Variants in MAML1 observed in about 807,000 individuals in gnomAD.
MAML1 encodes mastermind like transcriptional coactivator 1.
Under a neutral mutation model 77.1 loss-of-function variants are expected in MAML1, and 14 were observed. The observed-to-expected ratio is 0.18, with a 90% confidence interval of 0.12 to 0.28. The LOEUF (loss-of-function observed/expected upper bound fraction) is 0.28. Among genes scored for constraint, MAML1 ranks in the 10% least tolerant of loss-of-function variants. The probability of loss-of-function intolerance (pLI) is 1.00; values close to 1 mark genes in which losing one functional copy is unlikely to be tolerated. For synonymous variants in MAML1, 516 were observed against 551.9 expected, an observed-to-expected ratio of 0.93 and a Z score of 0.91; for missense variants, 1,217 against 1,327.8, an observed-to-expected ratio of 0.92 and a Z score of 1.30.
intron 1 of MAML1, among the ~76,000 whole-genome samples, chr5:179,743,301 C>G (rs1284841516): frequency 6.6e-6 from 1 of 151,434 alleles, no homozygotes; most frequent in African/African-American, 2.4e-5. Context: ...ATCCGCCTGC[C>G]TCCGCCTCCC....
intron 1 of MAML1, among the ~76,000 whole-genome samples, chr5:179,747,609 G>T (rs1047973631): frequency 1.2e-4 from 18 of 152,090 alleles, no homozygotes; most frequent in Non-Finnish European, 2.9e-5. Context: ...AGGAGATCGA[G>T]ACCATCTTGG....
intron 1 of MAML1, among the ~76,000 whole-genome samples, chr5:179,744,648 C>T (rs577827405): frequency 6.6e-6 from 1 of 151,568 alleles, no homozygotes; most frequent in Non-Finnish European, 1.5e-5. Flanking sequence ...GCAGTTCTGC[C>T]TCAGCCTCCC....
At chr5:179,740,709 A>G (rs569361243) in intron 1 of MAML1, among the ~76,000 whole-genome samples, 1 of 152,136 alleles carries the variant, frequency 6.6e-6, no homozygotes, top group South Asian at 2.1e-4. Flanking sequence ...AGCAGTGGAG[A>G]TGGAGAAGAG....
At chr5:179,757,206 T>TGGTGAATGAGTA (rs1203066351) in intron 1 of MAML1, among the ~76,000 whole-genome samples, 2 of 152,136 alleles carry the variant, frequency 1.3e-5, no homozygotes, top group Non-Finnish European at 2.9e-5. Context: ...AGGAGGACTT[T>TGGTGAATGAGTA]GGTGAATGAG....
intron 1 of MAML1, among the ~76,000 whole-genome samples, chr5:179,757,114 C>T (rs769428672): frequency 1.3e-5 from 2 of 152,062 alleles, no homozygotes; most frequent in Admixed American, 6.6e-5. Flanking sequence ...CCACTGTGCC[C>T]GGCTGTGAGT....
chr5:179,770,673 T>C (rs1167479703), intron 3 of MAML1, among the ~76,000 whole-genome samples: 4 of 152,168 alleles, frequency 2.6e-5, no homozygotes, highest in African/African-American at 7.2e-5. Flanking sequence ...TAGACATCTG[T>C]TTTCATTTTT....
intron 1 of MAML1, among the ~76,000 whole-genome samples, chr5:179,760,974 A>G (rs1779715133): frequency 6.6e-6 from 1 of 152,154 alleles, no homozygotes; most frequent in East Asian, 1.9e-4. Context: ...AGGCGCCTGT[A>G]GTCCAGCTAC....
chr5:179,765,906 A>G lies in MAML1; in HGVS notation c.896A>G (p.Lys299Arg). The change falls in exon 2 of 5, where the codon AAG becomes AGG. Residue 299 changes from lysine (K) to arginine (R), a missense_variant. By Grantham distance (26) the Lys-to-Arg change is conservative (BLOSUM62 2). This residue lies in a region of MAML1 where 884 missense variants were observed against 949.3 expected (regional missense o/e 0.93). Transcript: ENST00000292599. ...CCCTTGGCACAGGACATTAATATTA[A>G]GACGGAATTCTCTCCAGCAGCCTTT... ...QTPLAQDINI[K>R]TEFSPAAFEQ... 2 of 1,614,130 alleles carry G rather than the reference A, an allele frequency of 1.2e-6. No individual in the cohort carries two copies. Among genetic ancestry groups the G allele is most frequent in the Non-Finnish European group, 1.7e-6 (2 of 1,180,026 alleles).
chr5:179,767,985 A>C (rs1178202256), intron 2 of MAML1, among the ~76,000 whole-genome samples: 1 of 152,266 alleles, frequency 6.6e-6, no homozygotes, highest in Non-Finnish European at 1.5e-5. Context: ...TATCTGTTAA[A>C]GTTCTCATTG....
chr5:179,768,742 GGAAGCA>G, intron 2 of MAML1, 102 bp from the exon 3 acceptor site: 1 of 1,384,972 alleles, frequency 7.2e-7, no homozygotes, highest in Non-Finnish European at 9.9e-7. Flanking sequence ...AGGTCAGAAG[GGAAGCA>G]GAGACTTGGC....
At chr5:179,739,041 C>T (rs952044798) in intron 1 of MAML1, among the ~76,000 whole-genome samples, 2 of 152,156 alleles carry the variant, frequency 1.3e-5, no homozygotes, top group Non-Finnish European at 2.9e-5. Flanking sequence ...CTTTTTTTCT[C>T]AGTCTCCTTA....
At chr5:179,751,447 A>T (rs1388987034) in intron 1 of MAML1, among the ~76,000 whole-genome samples, 32 of 152,232 alleles carry the variant, frequency 2.1e-4, no homozygotes, top group Non-Finnish European at 1.9e-4. Flanking sequence ...AGTGGCTGTC[A>T]CCTGTAATCC....
chr5:179,745,881 AAAATT>A, intron 1 of MAML1, among the ~76,000 whole-genome samples: 1 of 148,318 alleles, frequency 6.7e-6, no homozygotes, highest in Non-Finnish European at 1.5e-5. Context: ...AAAAAAAAAA[AAAATT>A]AGCCGGGCGT....
rs774822264 is a variant in MAML1, at chr5:179,766,777, C to T, written c.1731+36C>T. ...GCCTTTGCTTTCTGTTCCTCTGCTG[C>T]AGACACTTCAGTGAGGTTACTCACT... On this transcript the variant is annotated intron_variant, in intron 2 of 4. Transcript: ENST00000292599. The surrounding 1 kb of genome is among the most constrained non-coding windows in gnomAD (Gnocchi z 4.0). The T allele has an allele frequency of 6.1e-6, 9 of 1,476,378 alleles. No individual in the cohort carries two copies. Among genetic ancestry groups the T allele is most frequent in the Non-Finnish European group, 1.8e-6 (2 of 1,101,158 alleles). The allele number at this position is 1,476,378 out of a possible 1,614,324, so 91.5% of individuals were successfully genotyped here. A position where few individuals can be genotyped will look rare whatever the true frequency, so the allele number is the denominator to read the frequency against.
chr5:179,753,970 C>A (rs1779562327), intron 1 of MAML1, among the ~76,000 whole-genome samples: 1 of 151,642 alleles, frequency 6.6e-6, no homozygotes, highest in African/African-American at 2.4e-5. Flanking sequence ...CCTTGCCTGG[C>A]CTTGTTTGGA....
intron 1 of MAML1, among the ~76,000 whole-genome samples, chr5:179,747,115 C>T (rs566773484): frequency 2.6e-5 from 4 of 152,296 alleles, no homozygotes; most frequent in African/African-American, 7.2e-5. Flanking sequence ...GGCTTAGCTC[C>T]CTAGTAGCTG....
intron 1 of MAML1, among the ~76,000 whole-genome samples, chr5:179,756,665 G>T (rs372814351): frequency 6.6e-6 from 1 of 151,988 alleles, no homozygotes; most frequent in East Asian, 1.9e-4. Context: ...GTTTTATAGC[G>T]GTCACACGGA....
Position 179,766,519 on chromosome 5 carries a change from G to A in MAML1, c.1509G>A (p.Ala503=), listed in dbSNP as rs776692169. The change falls in exon 2 of 5, where the codon GCG becomes GCA. Residue 503 remains alanine, a synonymous_variant. Transcript: ENST00000292599. This position sits in a 1 kb window ranked among gnomAD's most constrained non-coding sequence, Gnocchi z 4.0. The part of the protein sequence containing the change: ...QPPSNLNQNS[A]NNQGSVLDYG... ...CGAGTAACTTGAATCAGAACTCCGC[G>A]AATAACCAGGGGTCTGTGCTGGACT... 4.1e-5 allele frequency: 65 copies of A among 1,602,654 alleles called. 1 individual carries two copies. In the South Asian group the frequency reaches 6.8e-4, roughly 17 times the overall value.
At chr5:179,747,606 C>G (rs540910690) in intron 1 of MAML1, among the ~76,000 whole-genome samples, 1 of 151,918 alleles carries the variant, frequency 6.6e-6, no homozygotes, top group Non-Finnish European at 1.5e-5. Flanking sequence ...GTCAGGAGAT[C>G]GAGACCATCT....
Sources: allele counts gnomAD v4.1 joint callset (sites outside exome capture counted in the v4.1 genomes callset), GRCh38; gene constraint gnomAD v4.1.1; regional missense constraint gnomAD v4.1.1; non-coding constraint Gnocchi (gnomAD v3.1); transcripts MANE v1.5; gene names NCBI Gene and HGNC (gene_info 2026-07-23, HGNC 2026-07-21).